Variants in TMEM132B observed in about 807,000 individuals in gnomAD.
TMEM132B encodes transmembrane protein 132B.
In TMEM132B, 18 loss-of-function variants were observed where a neutral mutation model predicts 90.8. The ratio of observed to expected loss-of-function variants is 0.20; its 90% CI spans 0.14 to 0.29. The LOEUF (loss-of-function observed/expected upper bound fraction) is 0.29. TMEM132B is among the 10% of genes least tolerant of loss of function. TMEM132B has a pLI of 1.00. For missense variants in TMEM132B, 1,096 were observed against 1,326.8 expected (o/e 0.83, Z 2.70); for synonymous variants, 504 against 523.3 (o/e 0.96, Z 0.50).
At chr12:125,273,043 CTT>C (rs1874881566) in intron 1 of TMEM132B, among the ~76,000 whole-genome samples, 1 of 152,176 alleles carries the variant, frequency 6.6e-6, no homozygotes, top group African/African-American at 2.4e-5. Flanking sequence ...TTTATACTAA[CTT>C]GAATAGATAC....
chr12:125,369,328 A>G lies in TMEM132B; in HGVS notation c.959+18985A>G, dbSNP rs1413136333. The stretch of plus-strand genomic sequence containing the variant: ...CCTATTGTGAATAGTGCTGCAGTAA[A>G]CATACATGTGCATTTGTCTTTATAG... On this transcript the variant is annotated intron_variant, in intron 2 of 8. Coordinates refer to ENST00000682704, the MANE Select transcript of TMEM132B (RefSeq NM_001366854.1). Among the ~76,000 whole-genome samples the G allele has an allele frequency of 2.0e-5, 3 of 152,160 alleles. No individual in the cohort carries two copies. The East Asian group carries it at 5.8e-4, about 29-fold the overall frequency.
chr12:125,336,458 C>T (rs1470736217), intron 1 of TMEM132B, among the ~76,000 whole-genome samples: 1 of 152,190 alleles, frequency 6.6e-6, no homozygotes, highest in African/African-American at 2.4e-5. Flanking sequence ...AGACCTGAAG[C>T]CAGCCTATGC....
At chr12:125,600,365 T>C (rs1885541105) in intron 5 of TMEM132B, among the ~76,000 whole-genome samples, 1 of 152,170 alleles carries the variant, frequency 6.6e-6, no homozygotes, top group Admixed American at 6.5e-5. Flanking sequence ...ATTCCACTTT[T>C]CCATTTCTTT....
chr12:125,190,408 GGGTGGTGATGGGAAGA>G (rs1957790341), intron 1 of TMEM132B, among the ~76,000 whole-genome samples: 1 of 149,268 alleles, frequency 6.7e-6, no homozygotes, highest in African/African-American at 2.5e-5. Context: ...GATGGGAAAG[GGGTGGTGATGGGAAGA>G]GGTGGTGATG....
intron 5 of TMEM132B, among the ~76,000 whole-genome samples, chr12:125,620,921 A>T (rs900982067): frequency 3.9e-5 from 6 of 152,214 alleles, no homozygotes; most frequent in Admixed American, 2.6e-4. Flanking sequence ...GGATTATGGG[A>T]ACTACAATTC....
At chr12:125,565,751 ATTC>A (rs1402167650) in intron 4 of TMEM132B, among the ~76,000 whole-genome samples, 16 of 152,102 alleles carry the variant, frequency 1.1e-4, no homozygotes, top group Non-Finnish European at 2.1e-4. Context: ...CTATTATGCT[ATTC>A]TTCTCCTCTT....
chr12:125,582,707 G>A (rs1433609830), intron 4 of TMEM132B, among the ~76,000 whole-genome samples: 1 of 152,146 alleles, frequency 6.6e-6, no homozygotes, highest in Non-Finnish European at 1.5e-5. Flanking sequence ...TGTAACAGCT[G>A]GATTTATTGC....
intron 1 of TMEM132B, among the ~76,000 whole-genome samples, chr12:125,305,568 A>G (rs1468379749): frequency 6.6e-6 from 1 of 152,224 alleles, no homozygotes. Flanking sequence ...AGATGGAGAT[A>G]AAAAGCATTT....
chr12:125,288,240 G>A (rs193299819), intron 1 of TMEM132B, among the ~76,000 whole-genome samples: 6 of 150,118 alleles, frequency 4.0e-5, no homozygotes, highest in Non-Finnish European at 5.9e-5. Context: ...TGAGGTGGGC[G>A]GATCATGAAC....
At position 125,407,410 on chromosome 12, in the gene TMEM132B, G is replaced by A. The variant is rs1245259914; in HGVS notation, c.960-8121G>A. On this transcript the variant is annotated intron_variant, in intron 2 of 8. Coordinates refer to ENST00000682704, the MANE Select transcript of TMEM132B (RefSeq NM_001366854.1). The surrounding 1 kb of genome is among the most constrained non-coding windows in gnomAD (Gnocchi z 6.7). ...CTAAGTAGAAGACAGAAAGATGCAG[G>A]TGTGTACTCACAGAGCAGGTTTCCT... Among the ~76,000 whole-genome samples the A allele has an allele frequency of 2.0e-5, 3 of 152,208 alleles. No homozygotes were observed. Among genetic ancestry groups the A allele is most frequent in the Non-Finnish European group, 4.4e-5 (3 of 68,034 alleles).
chr12:125,595,394 G>A (rs1885416487), intron 5 of TMEM132B, among the ~76,000 whole-genome samples: 1 of 152,136 alleles, frequency 6.6e-6, no homozygotes, highest in Non-Finnish European at 1.5e-5. Flanking sequence ...ACCTACCTCA[G>A]CCATCACTTT....
At chr12:125,622,476 T>A (rs1886133190) in intron 5 of TMEM132B, 1 of 985,414 alleles carries the variant, frequency 1.0e-6, no homozygotes, top group East Asian at 1.1e-4. Flanking sequence ...AACCAACCTT[T>A]CCTGTGCTGG....
intron 5 of TMEM132B, among the ~76,000 whole-genome samples, chr12:125,599,953 G>A (rs1349211366): frequency 6.6e-6 from 1 of 152,158 alleles, no homozygotes; most frequent in Admixed American, 6.5e-5. Flanking sequence ...CAGCTCTCTG[G>A]CAGAGGTGCA....
Position 125,303,145 on chromosome 12 carries a change from CA to C in TMEM132B, c.68-46306del. 2.0e-5 allele frequency among the ~76,000 whole-genome samples: 3 copies of C among 152,128 alleles called. No homozygotes were observed. In the East Asian group the frequency reaches 5.8e-4, roughly 29 times the overall value. ...CTGTATCTATTAAGCAAAAACTCCT[CA>C]TTTCTCCCCTCCTGCCAGCCTCTGA... On this transcript the variant is annotated intron_variant, in intron 1 of 8. Transcript: ENST00000682704.
intron 1 of TMEM132B, among the ~76,000 whole-genome samples, chr12:125,189,002 C>T (rs970053323): frequency 6.6e-6 from 1 of 152,108 alleles, no homozygotes; most frequent in African/African-American, 2.4e-5. Flanking sequence ...GTTTACCGAC[C>T]CCCTTTGGCT....
intron 2 of TMEM132B, among the ~76,000 whole-genome samples, chr12:125,362,540 T>A (rs1877993039): frequency 6.6e-6 from 1 of 152,204 alleles, no homozygotes; most frequent in Non-Finnish European, 1.5e-5. Context: ...ACATGCGCAC[T>A]ATTGGATAGT....
At position 125,555,604 on chromosome 12, in the gene TMEM132B, A is replaced by G. The variant is rs563764541; in HGVS notation, c.1294-28247A>G. 4.0e-5 allele frequency among the ~76,000 whole-genome samples: 6 copies of G among 150,012 alleles called. No individual in the cohort carries two copies. In the East Asian group the frequency reaches 8.0e-4, roughly 20 times the overall value. ...GGGGAGGGATAGCATTAGGAGATAT[A>G]CCTAATGTAAATGACGAGTTAATGG... On this transcript the variant is annotated intron_variant, in intron 4 of 8. Transcript: ENST00000682704.
chr12:125,406,364 G>A lies in TMEM132B; in HGVS notation c.960-9167G>A, dbSNP rs914132081. On this transcript the variant is annotated intron_variant, in intron 2 of 8. Transcript: ENST00000682704. This position sits in a 1 kb window ranked among gnomAD's most constrained non-coding sequence, Gnocchi z 8.3. ...CATCTGTGTATTAGCAGTGCAAGGC[G>A]GAGGACAGTGCCTGGCTTCTAGAAG... Among the ~76,000 whole-genome samples the A allele has an allele frequency of 9.2e-5, 14 of 152,320 alleles. No individual in the cohort carries two copies. The highest frequency in any genetic ancestry group is 1.5e-4 in the Non-Finnish European group (10 of 68,030).
At chr12:125,518,995 A>G (rs1883236913) in intron 3 of TMEM132B, among the ~76,000 whole-genome samples, 2 of 152,214 alleles carry the variant, frequency 1.3e-5, no homozygotes, top group Non-Finnish European at 2.9e-5. Flanking sequence ...CAACTGGTCT[A>G]CAGACCTCAG....
Sources: gnomAD v4.1 joint callset for allele counts (sites outside exome capture counted in the v4.1 genomes callset) on GRCh38, gnomAD v4.1.1 for gene constraint, Gnocchi (gnomAD v3.1) non-coding constraint, MANE v1.5 for transcripts, NCBI Gene and HGNC (gene_info 2026-07-23, HGNC 2026-07-21) for gene names.